Variants in NRG1 observed in about 807,000 individuals in gnomAD.
NRG1 encodes the protein neuregulin 1, also known as pro-neuregulin-1, membrane-bound isoform.
Under a neutral mutation model 63.8 loss-of-function variants are expected in NRG1, and 18 were observed. That is an observed-to-expected ratio of 0.28 (90% CI 0.19 to 0.42). The LOEUF (loss-of-function observed/expected upper bound fraction) is 0.42. Ranked by LOEUF, NRG1 falls within the 10% of genes least tolerant of loss-of-function variation. The pLI, the probability that NRG1 is intolerant of heterozygous loss-of-function variation, is 1.00. For missense variants in NRG1, 762 were observed against 814.7 expected (o/e 0.94, Z 0.79); for synonymous variants, 302 against 301.3 (o/e 1.00, Z -0.02).
intron 1 of NRG1, among the ~76,000 whole-genome samples, chr8:31,997,400 T>C (rs578186167): frequency 1.3e-5 from 2 of 152,088 alleles, no homozygotes; most frequent in African/African-American, 4.8e-5. Flanking sequence ...TTCTTCTGGC[T>C]AGGCAATAGG....
chr8:32,602,265 C>T (rs1055248449), intron 2 of NRG1, among the ~76,000 whole-genome samples: 17 of 152,018 alleles, frequency 1.1e-4, no homozygotes, highest in Non-Finnish European at 2.4e-4. Flanking sequence ...TTAAATCTCT[C>T]TTTCTTTTAA....
intron 1 of NRG1, among the ~76,000 whole-genome samples, chr8:32,449,288 C>A (rs1462794218): frequency 6.6e-6 from 1 of 151,728 alleles, no homozygotes; most frequent in South Asian, 2.1e-4. Flanking sequence ...CAGAGCAAGA[C>A]CTTGTCTCAA....
At position 32,619,282 on chromosome 8, in the gene NRG1, G is replaced by A. The variant is rs529289804; in HGVS notation, c.502+2397G>A. On this transcript the variant is annotated intron_variant, in intron 5 of 11. Transcript: ENST00000356819. Reference sequence around the variant, plus strand: ...ACTGTATTTAGGCAAAGAACAGGCTGTACAAAGGCCCTTAGACAAAAGCAT... The same window carrying A: ...ACTGTATTTAGGCAAAGAACAGGCTATACAAAGGCCCTTAGACAAAAGCAT... 1.8e-4 allele frequency among the ~76,000 whole-genome samples: 27 copies of A among 152,256 alleles called. 1 individual carries two copies. In the South Asian group the frequency reaches 5.4e-3, roughly 30 times the overall value.
chr8:32,199,402 A>G (rs1241136471), intron 1 of NRG1, among the ~76,000 whole-genome samples: 3 of 152,300 alleles, frequency 2.0e-5, no homozygotes, highest in Non-Finnish European at 2.9e-5. Context: ...TTTCTCATCT[A>G]TCATCCTGAG....
intron 1 of NRG1, among the ~76,000 whole-genome samples, chr8:32,265,290 G>A (rs995189364): frequency 6.6e-6 from 1 of 151,892 alleles, no homozygotes; most frequent in Non-Finnish European, 1.5e-5. Context: ...AGCCAAGATT[G>A]TACCACTGCA....
intron 1 of NRG1, among the ~76,000 whole-genome samples, chr8:32,435,746 A>G (rs1316773): frequency 0.094 from 14,263 of 152,208 alleles, 1,025 homozygotes; most frequent in Admixed American, 0.22. Flanking sequence ...TCAAAGTTCT[A>G]AAGAACTAGA....
At chr8:32,522,855 G>T (rs2129506386) in intron 1 of NRG1, among the ~76,000 whole-genome samples, 1 of 150,958 alleles carries the variant, frequency 6.6e-6, no homozygotes, top group Middle Eastern at 3.4e-3. Flanking sequence ...ACCTAGGCTG[G>T]ACTGCAGTGG....
chr8:31,747,066 A>C (rs1334885555), intron 1 of NRG1, among the ~76,000 whole-genome samples: 4 of 151,858 alleles, frequency 2.6e-5, no homozygotes, highest in Non-Finnish European at 5.9e-5. Flanking sequence ...AGGTACAAAA[A>C]GGTAGTTAGA....
intron 1 of NRG1, among the ~76,000 whole-genome samples, chr8:31,832,443 G>C (rs1368483063): frequency 6.6e-6 from 1 of 151,932 alleles, no homozygotes. Context: ...ATAATTTGTA[G>C]AGACAGAGTT....
intron 1 of NRG1, among the ~76,000 whole-genome samples, chr8:31,717,169 G>A (rs1812429002): frequency 6.6e-6 from 1 of 152,130 alleles, no homozygotes. Context: ...CACACTGGGA[G>A]GCTGAGGCAG....
At chr8:31,996,855 A>G (rs1812060902) in intron 1 of NRG1, among the ~76,000 whole-genome samples, 1 of 151,976 alleles carries the variant, frequency 6.6e-6, no homozygotes, top group Admixed American at 6.6e-5. Context: ...AATTGTAAAA[A>G]GGACCTGTGA....
chr8:32,136,145 G>C (rs562441241), intron 1 of NRG1, among the ~76,000 whole-genome samples: 1 of 152,266 alleles, frequency 6.6e-6, no homozygotes, highest in African/African-American at 2.4e-5. Context: ...CTGTTCCAGA[G>C]CAAAGGCAGG....
chr8:32,688,547 T>G (rs1810778418), intron 5 of NRG1, among the ~76,000 whole-genome samples: 1 of 152,208 alleles, frequency 6.6e-6, no homozygotes, highest in Non-Finnish European at 1.5e-5. Flanking sequence ...CTGCCTCCCC[T>G]CTGCTCAACC....
chr8:32,025,809 C>T (rs1817181184), intron 1 of NRG1, among the ~76,000 whole-genome samples: 1 of 151,324 alleles, frequency 6.6e-6, no homozygotes, highest in Non-Finnish European at 1.5e-5. Flanking sequence ...TTAGCCGGGC[C>T]TGGTGGCGGG....
intron 1 of NRG1, among the ~76,000 whole-genome samples, chr8:31,953,716 A>C (rs2129623808): frequency 6.6e-6 from 1 of 152,302 alleles, no homozygotes; most frequent in South Asian, 2.1e-4. Context: ...AAATAAGGCC[A>C]TTTCTGCCTT....
intron 1 of NRG1, among the ~76,000 whole-genome samples, chr8:31,665,347 G>A (rs1019011511): frequency 6.6e-6 from 1 of 152,118 alleles, no homozygotes; most frequent in Non-Finnish European, 1.5e-5. Context: ...TCTATACACA[G>A]AAATGCTCTG....
At chr8:32,092,385 A>T (rs911202525) in intron 1 of NRG1, among the ~76,000 whole-genome samples, 3 of 145,170 alleles carry the variant, frequency 2.1e-5, no homozygotes, top group Admixed American at 7.1e-5. Context: ...TGAGCCCAAG[A>T]GTTTAAGGCT....
chr8:32,054,590 C>T (rs1251545442), intron 1 of NRG1, among the ~76,000 whole-genome samples: 1 of 152,116 alleles, frequency 6.6e-6, no homozygotes, highest in Non-Finnish European at 1.5e-5. Flanking sequence ...AAAAATTTGA[C>T]CAAGTTTTGG....
chr8:32,149,892 G>A (rs1199774384), intron 1 of NRG1, among the ~76,000 whole-genome samples: 2 of 152,138 alleles, frequency 1.3e-5, no homozygotes, highest in Non-Finnish European at 2.9e-5. Context: ...TAAAATTCAA[G>A]AGGAATACTA....
Sources: allele counts gnomAD v4.1 joint callset (sites outside exome capture counted in the v4.1 genomes callset), GRCh38; gene constraint gnomAD v4.1.1; transcripts MANE v1.5; gene names NCBI Gene and HGNC (gene_info 2026-07-23, HGNC 2026-07-21).